FANK1: variants seen among roughly 807,000 people sequenced by gnomAD.
The protein encoded by FANK1 is fibronectin type III and ankyrin repeat domains 1, also known as fibronectin type 3 and ankyrin repeat domains protein 1.
In FANK1, 44 loss-of-function variants were observed where a neutral mutation model predicts 45.3. That is an observed-to-expected ratio of 0.97 (90% CI 0.76 to 1.25). The LOEUF (loss-of-function observed/expected upper bound fraction) is 1.25, where lower values mean the gene tolerates loss of function less well. FANK1 is among the 50% of genes most tolerant of loss of function. The pLI is 0.00. For missense variants in FANK1, 391 were observed against 424.4 expected, an observed-to-expected ratio of 0.92 and a Z score of 0.69; for synonymous variants, 149 against 152.5, an observed-to-expected ratio of 0.98 and a Z score of 0.17.
At chr10:125,924,293 C>G (rs950833062) in intron 1 of FANK1, among the ~76,000 whole-genome samples, 1 of 134,450 alleles carries the variant, frequency 7.4e-6, no homozygotes, top group African/African-American at 2.8e-5. Context: ...CTCGCTCTTT[C>G]ACCAGGCTGG....
chr10:125,971,310 G>A (rs112067643), intron 1 of FANK1, among the ~76,000 whole-genome samples: 5 of 152,020 alleles, frequency 3.3e-5, no homozygotes, highest in East Asian at 3.9e-4. Flanking sequence ...CAAACTCTCT[G>A]CCTTCTTGGT....
intron 1 of FANK1, among the ~76,000 whole-genome samples, chr10:125,898,146 C>T (rs1196156019): frequency 1.3e-5 from 2 of 151,834 alleles, no homozygotes; most frequent in Non-Finnish European, 2.9e-5. Flanking sequence ...CAGATTGCAC[C>T]GCTGCACTCC....
chr10:125,955,643 G>A (rs752496828), intron 1 of FANK1, among the ~76,000 whole-genome samples: 4 of 152,066 alleles, frequency 2.6e-5, no homozygotes, highest in Non-Finnish European at 5.9e-5. Context: ...ACCACACCCA[G>A]CTAACTTTTG....
chr10:125,916,615 C>A (rs1254056622), intron 1 of FANK1, among the ~76,000 whole-genome samples: 1 of 152,088 alleles, frequency 6.6e-6, no homozygotes, highest in East Asian at 1.9e-4. Context: ...TATATATACA[C>A]TATATGCAGT....
chr10:125,941,729 C>T (rs1038893704), intron 1 of FANK1, among the ~76,000 whole-genome samples: 10 of 152,178 alleles, frequency 6.6e-5, no homozygotes, highest in Admixed American at 3.3e-4. Flanking sequence ...TGAACCACGG[C>T]TACTCACAAC....
intron 1 of FANK1, among the ~76,000 whole-genome samples, chr10:125,941,586 GA>G (rs1449767047): frequency 6.6e-6 from 1 of 152,214 alleles, no homozygotes; most frequent in Middle Eastern, 3.2e-3. Flanking sequence ...TGGATACCAA[GA>G]AACCAAGAAT....
At chr10:125,914,295 A>ATATAT (rs1946274486) in intron 1 of FANK1, among the ~76,000 whole-genome samples, 1 of 150,968 alleles carries the variant, frequency 6.6e-6, no homozygotes, top group Admixed American at 6.6e-5. Context: ...ATATATATTT[A>ATATAT]AAAAGTCTCA....
intron 1 of FANK1, among the ~76,000 whole-genome samples, chr10:125,945,656 C>T (rs536380616): frequency 1.6e-3 from 250 of 152,276 alleles, no homozygotes; most frequent in African/African-American, 5.5e-3. Context: ...AACTGCAAGG[C>T]GGCAGCGAGG....
At chr10:125,993,454 T>C (rs1433060757) in intron 3 of FANK1, among the ~76,000 whole-genome samples, 2 of 152,226 alleles carry the variant, frequency 1.3e-5, no homozygotes, top group African/African-American at 4.8e-5. Flanking sequence ...TCAACTTTGG[T>C]ACTACTGATA....
At chr10:125,957,944 CTTTT>C (rs1461624628) in intron 1 of FANK1, among the ~76,000 whole-genome samples, 3 of 151,554 alleles carry the variant, frequency 2.0e-5, no homozygotes, top group African/African-American at 7.3e-5. Flanking sequence ...TTTTAATTGA[CTTTT>C]TTGGCCCATA....
intron 2 of FANK1, among the ~76,000 whole-genome samples, chr10:125,986,534 G>A (rs867975155): frequency 1.3e-5 from 2 of 152,112 alleles, no homozygotes; most frequent in Non-Finnish European, 1.5e-5. Flanking sequence ...TTTCCTGGAC[G>A]TGCCAGACTC....
In FANK1 at chr10:125,979,415, G is replaced by A. The variant is rs11244743; in HGVS notation, c.14-746G>A. ...GGGTGGGATGGTGAGACAGGGATAT[G>A]TGTATTTTTAATTTTAATAGATGCT... On this transcript the variant is annotated intron_variant, in intron 1 of 10. Transcript: ENST00000368693. Among the ~76,000 whole-genome samples, 896 of 152,238 alleles carry A rather than the reference G, an allele frequency of 5.9e-3. 8 individuals are homozygous for A. The highest frequency in any genetic ancestry group is 0.02 in the African/African-American group (848 of 41,532).
chr10:125,934,724 GTTTTTTTTTTTTTTTTTTTTTTT>G (rs145182884), intron 1 of FANK1, among the ~76,000 whole-genome samples: 6 of 26,456 alleles, frequency 2.3e-4, no homozygotes, highest in South Asian at 1.9e-3. Context: ...TACCCCTACC[GTTTTTTTTTTTTTTTTTTTTTTT>G]TTTTTTTTTT....
At chr10:125,920,412 C>A (rs1946861418) in intron 1 of FANK1, among the ~76,000 whole-genome samples, 1 of 152,114 alleles carries the variant, frequency 6.6e-6, no homozygotes, top group African/African-American at 2.4e-5. Flanking sequence ...TCAGAATTCA[C>A]TAGATTGGTT....
At position 125,905,156 on chromosome 10, in the gene FANK1, AAAAC is replaced by A. The variant is rs1474917415; in HGVS notation, c.13+8502_13+8505del. On this transcript the variant is annotated intron_variant, in intron 1 of 10. Coordinates refer to ENST00000368693, the MANE Select transcript of FANK1 (RefSeq NM_145235.5). ...AAAAAAAAAAAAAAAAAAAACAAAA[AAAAC>A]GTTTCTGTAGCCTGTAGTCCCAGCT... is the stretch of plus-strand genomic sequence containing the variant. 5.5e-5 allele frequency among the ~76,000 whole-genome samples: 7 copies of A among 126,646 alleles called. No homozygotes were observed. In the East Asian group the frequency reaches 1.5e-3, roughly 27 times the overall value. The allele number at this position is 126,646 out of a possible 152,430, so 83.1% of individuals were successfully genotyped here.
At chr10:126,000,973 AAAT>A (rs58493560) in intron 6 of FANK1, among the ~76,000 whole-genome samples, 52,748 of 151,856 alleles carry the variant, frequency 0.35, 9,649 homozygotes, top group South Asian at 0.45. Flanking sequence ...GGTGACTAAA[AAAT>A]AATCATGTTG....
intron 1 of FANK1, among the ~76,000 whole-genome samples, chr10:125,911,513 CAA>C (rs1444668842): frequency 6.6e-6 from 1 of 152,204 alleles, no homozygotes; most frequent in Non-Finnish European, 1.5e-5. Context: ...CTGCAAGAAA[CAA>C]TGTGTATCTG....
At chr10:125,994,934 G>C in intron 3 of FANK1, 1 of 985,304 alleles carries the variant, frequency 1.0e-6, no homozygotes, top group Admixed American at 6.1e-5. Flanking sequence ...TCTGCCCCCA[G>C]AAGCTCAGAG....
Position 125,983,229 on chromosome 10 carries a change from C to T in FANK1, c.191+2891C>T, listed in dbSNP as rs1342290468. 6.6e-6 allele frequency among the ~76,000 whole-genome samples: 1 copy of T among 152,142 alleles called. No individual in the cohort carries two copies. Among genetic ancestry groups the T allele is most frequent in the African/African-American group, 2.4e-5 (1 of 41,428 alleles). On this transcript the variant is annotated intron_variant, in intron 2 of 10. Coordinates refer to ENST00000368693, the MANE Select transcript of FANK1 (RefSeq NM_145235.5). The surrounding 1 kb of genome is among the most constrained non-coding windows in gnomAD (Gnocchi z 4.3). ...ACCCTATTCTTTCTTCTGCCCTGGTCAGATTTTACCTCCACTGAGAAGCTC... is the reference window on the plus strand; with the variant it reads ...ACCCTATTCTTTCTTCTGCCCTGGTTAGATTTTACCTCCACTGAGAAGCTC...
Sources: gnomAD v4.1 joint callset for allele counts (sites outside exome capture counted in the v4.1 genomes callset) on GRCh38, gnomAD v4.1.1 for gene constraint, Gnocchi (gnomAD v3.1) non-coding constraint, MANE v1.5 for transcripts, NCBI Gene and HGNC (gene_info 2026-07-23, HGNC 2026-07-21) for gene names.